The following CLEC16A variants were observed in gnomAD, a reference collection of about 807,000 sequenced individuals.
CLEC16A encodes C-type lectin domain containing 16A, also known as protein CLEC16A.
In CLEC16A, 51 loss-of-function variants were observed where a neutral mutation model predicts 109.5. That is an observed-to-expected ratio of 0.47 (90% CI 0.37 to 0.59). CLEC16A has a LOEUF of 0.59. CLEC16A is among the 20% of genes least tolerant of loss of function. CLEC16A has a pLI of 0.00. For missense variants in CLEC16A, 1,339 were observed against 1,394.0 expected (o/e 0.96, Z 0.63); for synonymous variants, 673 against 564.2 (o/e 1.19, Z -2.73).
chr16:10,962,923 G>A lies in CLEC16A; in HGVS notation c.343+335G>A, dbSNP rs541156188. Among the ~76,000 whole-genome samples the A allele has an allele frequency of 2.6e-5, 4 of 152,230 alleles. No homozygotes were observed. In the South Asian group the frequency reaches 8.3e-4, roughly 32 times the overall value. On this transcript the variant is annotated intron_variant, in intron 3 of 23. Transcript: ENST00000409790. ...AAACCACAAAAATTAGCTGGGTGTG[G>A]TGGTGTGCACATGTAGTCCCAGCTA...
intron 22 of CLEC16A, chr16:11,157,335 T>C: frequency 2.7e-6 from 2 of 746,906 alleles, no homozygotes; most frequent in Non-Finnish European, 3.5e-6. Flanking sequence ...GCCTGATGTG[T>C]AGACCTGCGC....
chr16:11,153,718 A>G (rs2054388191), intron 22 of CLEC16A, among the ~76,000 whole-genome samples: 1 of 152,084 alleles, frequency 6.6e-6, no homozygotes, highest in African/African-American at 2.4e-5. Flanking sequence ...AATCATGCTT[A>G]AGAATACAGT....
intron 22 of CLEC16A, among the ~76,000 whole-genome samples, chr16:11,132,688 C>A (rs1256765824): frequency 1.3e-5 from 2 of 152,178 alleles, no homozygotes; most frequent in African/African-American, 4.8e-5. Context: ...CTCTTGTATT[C>A]CTTGTTCTCT....
intron 3 of CLEC16A, among the ~76,000 whole-genome samples, chr16:10,966,665 C>T (rs907361145): frequency 2.0e-5 from 3 of 152,204 alleles, no homozygotes; most frequent in African/African-American, 7.2e-5. Flanking sequence ...GTGAAGCAAA[C>T]ACATCCTTCT....
At chr16:11,021,125 C>T (rs2046074517) in intron 12 of CLEC16A, among the ~76,000 whole-genome samples, 1 of 152,222 alleles carries the variant, frequency 6.6e-6, no homozygotes, top group South Asian at 2.1e-4. Flanking sequence ...GGTGGAAATA[C>T]ACACGGCCCC....
At chr16:11,045,678 C>G (rs896397219) in intron 16 of CLEC16A, among the ~76,000 whole-genome samples, 17 of 152,274 alleles carry the variant, frequency 1.1e-4, no homozygotes, top group African/African-American at 4.1e-4. Flanking sequence ...TTGCTGGCCT[C>G]CGGATCAGGT....
chr16:11,064,693 C>T (rs1418201303), intron 19 of CLEC16A, among the ~76,000 whole-genome samples: 2 of 152,190 alleles, frequency 1.3e-5, no homozygotes, highest in South Asian at 4.1e-4. Context: ...GGGAGGATCT[C>T]TTGAACCCGG....
intron 14 of CLEC16A, 92 bp from the exon 15 acceptor site, chr16:11,042,162 G>A: frequency 2.2e-6 from 2 of 915,296 alleles, no homozygotes; most frequent in South Asian, 1.6e-5. Flanking sequence ...TCTATCATGT[G>A]ACCTGCTAGC....
rs909044321 is a variant in CLEC16A at position 11,042,307 on chromosome 16, C to G, written c.1714C>G (p.Gln572Glu). The G allele has an allele frequency of 6.3e-7, 1 of 1,593,996 alleles. No homozygotes were observed. Among genetic ancestry groups the G allele is most frequent in the Non-Finnish European group, 8.5e-7 (1 of 1,170,614 alleles). Residue 572 changes from glutamine (Q) to glutamate (E), a missense_variant, in exon 15 of 24, where the codon CAA (glutamine) becomes GAA (glutamate). By Grantham distance (29) the Gln-to-Glu change is conservative. Coordinates refer to ENST00000409790, the MANE Select transcript of CLEC16A (RefSeq NM_015226.3). The part of the protein sequence containing the change: ...LELSCLLLKQ[Q>E]VLMSAGCIMK... ...GCTGAGCTGCCTGCTTCTGAAGCAG[C>G]AAGTCCTGATGAGTGCTGGCTGCAT... is the stretch of plus-strand genomic sequence containing the variant.
rs148208942 is a variant in CLEC16A, at chr16:11,064,027, CAG to C, written c.2116+3006_2116+3007del. Among the ~76,000 whole-genome samples the C allele has an allele frequency of 3.6e-3, 551 of 152,108 alleles. 7 individuals are homozygous for C. Among genetic ancestry groups the C allele is most frequent in the Non-Finnish European group, 3.4e-3 (229 of 67,990 alleles). On this transcript the variant is annotated intron_variant, in intron 19 of 23. Coordinates refer to ENST00000409790, the MANE Select transcript of CLEC16A (RefSeq NM_015226.3). ...GGAAGAGGGGAGGAACTAGATAAAA[CAG>C]TGGATTTCTAGAGAAAATAGCATCA...
Position 11,178,316 on chromosome 16 carries a change from T to G in CLEC16A, c.2807-19T>G. 2 of 1,587,570 alleles carry G rather than the reference T, an allele frequency of 1.3e-6. No homozygotes were observed. Among genetic ancestry groups the G allele is most frequent in the Non-Finnish European group, 1.7e-6 (2 of 1,161,424 alleles). Reference sequence around the variant, plus strand: ...TCTCAAGGGCTCAGTGTGTTTCCGGTTTTTCTCCCCCAATCCAGATGCCCC... The same window carrying G: ...TCTCAAGGGCTCAGTGTGTTTCCGGGTTTTCTCCCCCAATCCAGATGCCCC... On this transcript the variant is annotated intron_variant, in intron 23 of 23. Transcript: ENST00000409790. The surrounding 1 kb of genome is among the most constrained non-coding windows in gnomAD (Gnocchi z 6.5).
At chr16:11,010,887 T>A (rs2045366312) in intron 11 of CLEC16A, among the ~76,000 whole-genome samples, 2 of 152,230 alleles carry the variant, frequency 1.3e-5, no homozygotes, top group Admixed American at 6.5e-5. Context: ...TTTTTTGTTC[T>A]AATAAAACGT....
At chr16:11,019,465 A>G (rs923800854) in intron 11 of CLEC16A, among the ~76,000 whole-genome samples, 39 of 152,348 alleles carry the variant, frequency 2.6e-4, no homozygotes, top group Middle Eastern at 3.4e-3. Flanking sequence ...AGAGCTTTCT[A>G]TTAAAAATGT....
intron 19 of CLEC16A, among the ~76,000 whole-genome samples, chr16:11,091,268 G>T: frequency 6.6e-6 from 1 of 152,246 alleles, no homozygotes; most frequent in East Asian, 1.9e-4. Context: ...ATTTCAAAGG[G>T]TAAAAGGGAA....
chr16:11,019,258 C>G (rs537641485), intron 11 of CLEC16A, among the ~76,000 whole-genome samples: 2 of 152,214 alleles, frequency 1.3e-5, no homozygotes, highest in African/African-American at 4.8e-5. Flanking sequence ...TAAAGCCCAA[C>G]CCTCATCCAT....
intron 11 of CLEC16A, among the ~76,000 whole-genome samples, chr16:11,010,619 A>G (rs1367738486): frequency 2.6e-5 from 4 of 152,236 alleles, no homozygotes; most frequent in Non-Finnish European, 5.9e-5. Context: ...CATCATGAGC[A>G]TTTGCTAAGA....
intron 13 of CLEC16A, among the ~76,000 whole-genome samples, chr16:11,029,748 T>C (rs1226975556): frequency 6.6e-6 from 1 of 152,240 alleles, no homozygotes; most frequent in Non-Finnish European, 1.5e-5. Flanking sequence ...TGAAGTCTAA[T>C]TGATATGCAA....
intron 4 of CLEC16A, among the ~76,000 whole-genome samples, chr16:10,970,647 C>G (rs911381594): frequency 6.6e-6 from 1 of 152,166 alleles, no homozygotes; most frequent in African/African-American, 2.4e-5. Flanking sequence ...CAAGCAATCC[C>G]CCCTCCTTGG....
At chr16:10,995,818 C>T (rs2152735163) in intron 10 of CLEC16A, among the ~76,000 whole-genome samples, 1 of 152,282 alleles carries the variant, frequency 6.6e-6, no homozygotes, top group South Asian at 2.1e-4. Flanking sequence ...TGGCCTGTCT[C>T]CTTTCTTAAG....
Sources: allele counts gnomAD v4.1 joint callset (sites outside exome capture counted in the v4.1 genomes callset), GRCh38; gene constraint gnomAD v4.1.1; non-coding constraint Gnocchi (gnomAD v3.1); transcripts MANE v1.5; gene names NCBI Gene and HGNC (gene_info 2026-07-23, HGNC 2026-07-21).